The following BCKDHB variants were observed in gnomAD, a reference collection of about 807,000 sequenced individuals.
The protein encoded by BCKDHB is branched chain keto acid dehydrogenase E1 subunit beta.
Under a neutral mutation model 48.5 loss-of-function variants are expected in BCKDHB, and 41 were observed. The observed-to-expected ratio is 0.85, with a 90% CI of 0.66 to 1.10. The LOEUF (loss-of-function observed/expected upper bound fraction) is 1.10, where lower values mean the gene tolerates loss of function less well. BCKDHB is among the 50% of genes least tolerant of loss of function. The pLI is 0.00. For missense variants in BCKDHB, 496 were observed against 494.2 expected (o/e 1.00, Z -0.03); for synonymous variants, 201 against 174.8 (o/e 1.15, Z -1.18).
At chr6:80,259,652 A>G (rs1777206738) in intron 8 of BCKDHB, among the ~76,000 whole-genome samples, 1 of 152,236 alleles carries the variant, frequency 6.6e-6, no homozygotes, top group East Asian at 1.9e-4. Context: ...AGCCAAAAGA[A>G]TAATGATACC....
intron 3 of BCKDHB, among the ~76,000 whole-genome samples, chr6:80,139,143 T>C (rs13192024): frequency 1.1e-4 from 16 of 152,194 alleles, no homozygotes; most frequent in Non-Finnish European, 2.2e-4. Flanking sequence ...CACTTTTTGA[T>C]GGGGTTGTTT....
At chr6:80,265,382 A>T (rs1777470875) in intron 8 of BCKDHB, among the ~76,000 whole-genome samples, 2 of 152,104 alleles carry the variant, frequency 1.3e-5, no homozygotes. Flanking sequence ...AAAGGAGGGA[A>T]ATTTTGACAC....
chr6:80,339,677 A>C lies in BCKDHB; in HGVS notation c.1039-3987A>C, dbSNP rs77171662. On this transcript the variant is annotated intron_variant, in intron 9 of 9. Transcript: ENST00000320393. Reference sequence around the variant, plus strand: ...GCTCTGTGTATTACCTTCATGATCAAGTTTGTGTTTTCAGCTCCTTCACAT... The same window carrying C: ...GCTCTGTGTATTACCTTCATGATCACGTTTGTGTTTTCAGCTCCTTCACAT... 8.2e-3 allele frequency among the ~76,000 whole-genome samples: 1,245 copies of C among 152,264 alleles called. 21 individuals carry two copies. Among genetic ancestry groups the C allele is most frequent in the African/African-American group, 0.028 (1,175 of 41,546 alleles).
intron 3 of BCKDHB, among the ~76,000 whole-genome samples, chr6:80,158,997 T>A (rs1303114271): frequency 3.9e-5 from 6 of 152,204 alleles, no homozygotes; most frequent in African/African-American, 9.6e-5. Context: ...ACGATGCTAA[T>A]ATGTGGTGGA....
chr6:80,355,842 G>C, the BCKDHB span: 2 of 152,192 alleles, frequency 1.3e-5, no homozygotes, highest in Non-Finnish European at 2.9e-5. Flanking sequence ...AGGCACCTAA[G>C]GGCTGCTACT....
intron 8 of BCKDHB, among the ~76,000 whole-genome samples, chr6:80,209,686 C>G (rs948959103): frequency 5.3e-5 from 8 of 151,804 alleles, no homozygotes; most frequent in African/African-American, 1.9e-4. Context: ...AGTTGCAGAT[C>G]TAATTGTGAA....
the BCKDHB span, among the ~76,000 whole-genome samples, chr6:80,446,948 A>G: frequency 2.0e-5 from 3 of 152,026 alleles, no homozygotes; most frequent in South Asian, 2.1e-4. Context: ...GACCTTAGAC[A>G]TTAGGCTAAT....
At chr6:80,333,863 C>A (rs1303810681) in intron 9 of BCKDHB, among the ~76,000 whole-genome samples, 5 of 151,964 alleles carry the variant, frequency 3.3e-5, no homozygotes, top group Non-Finnish European at 7.4e-5. Flanking sequence ...ATGAAAGTAT[C>A]CAGAACCAGA....
chr6:80,175,949 C>A (rs892372621), intron 6 of BCKDHB, among the ~76,000 whole-genome samples: 3 of 152,098 alleles, frequency 2.0e-5, no homozygotes, highest in Non-Finnish European at 4.4e-5. Flanking sequence ...TAGGGGGGAA[C>A]AAGAACAAAA....
chr6:80,373,471 C>T, the BCKDHB span, among the ~76,000 whole-genome samples: 11,440 of 152,006 alleles, frequency 0.075, 483 homozygotes, highest in South Asian at 0.15. Flanking sequence ...CTTCTAGGCT[C>T]TTTGTTATTT....
intron 3 of BCKDHB, among the ~76,000 whole-genome samples, chr6:80,162,930 CTT>C (rs570707378): frequency 0.013 from 1,868 of 147,854 alleles, 33 homozygotes; most frequent in African/African-American, 0.044. Context: ...CTCTCTCTCT[CTT>C]TTTTTTTTAA....
the BCKDHB span, among the ~76,000 whole-genome samples, chr6:80,376,483 TC>T: frequency 6.6e-6 from 1 of 152,186 alleles, no homozygotes; most frequent in South Asian, 2.1e-4. Flanking sequence ...TCCTCAGCTG[TC>T]CCATGGAACC....
intron 8 of BCKDHB, among the ~76,000 whole-genome samples, chr6:80,210,354 ATTTAT>A (rs1774865964): frequency 6.6e-6 from 1 of 152,120 alleles, no homozygotes; most frequent in Non-Finnish European, 1.5e-5. Flanking sequence ...ATACTGAATG[ATTTAT>A]TTTATATAGA....
chr6:80,358,449 T>C, the BCKDHB span, among the ~76,000 whole-genome samples: 1 of 152,224 alleles, frequency 6.6e-6, no homozygotes, highest in East Asian at 1.9e-4. Context: ...TTTTGCCTTA[T>C]GTATGGTGAT....
chr6:80,416,306 C>A, the BCKDHB span, among the ~76,000 whole-genome samples: 1 of 142,864 alleles, frequency 7.0e-6, no homozygotes, highest in South Asian at 2.2e-4. Flanking sequence ...TTGGTTATTT[C>A]TTGTCTCCTG....
In BCKDHB at chr6:80,343,870, C is replaced by G; in HGVS notation, c.*66C>G. The G allele has an allele frequency of 6.4e-7, 1 of 1,556,118 alleles. No individual in the cohort carries two copies. Among genetic ancestry groups the G allele is most frequent in the South Asian group, 1.1e-5 (1 of 89,698 alleles). On this transcript the variant is annotated 3_prime_UTR_variant, in exon 10 of 10. Transcript: ENST00000320393. ...CCCCTGACATTAACGTACTGTTAAC[C>G]AAGACACAGCAATCATCAGTGTTTT...
intron 8 of BCKDHB, among the ~76,000 whole-genome samples, chr6:80,227,552 C>G (rs555018556): frequency 6.6e-6 from 1 of 152,246 alleles, no homozygotes; most frequent in Non-Finnish European, 1.5e-5. Flanking sequence ...AGTTTTGTGT[C>G]CCAGAAGTAT....
At chr6:80,367,215 G>A in the BCKDHB span, among the ~76,000 whole-genome samples, 5 of 151,736 alleles carry the variant, frequency 3.3e-5, no homozygotes, top group South Asian at 2.1e-4. Flanking sequence ...ACTTTCTCTC[G>A]ATTTGTCATG....
intron 9 of BCKDHB, among the ~76,000 whole-genome samples, chr6:80,321,078 GTTAT>G (rs1768690516): frequency 1.3e-5 from 2 of 152,132 alleles, no homozygotes; most frequent in Non-Finnish European, 2.9e-5. Flanking sequence ...TGAAAGTGGT[GTTAT>G]TTTTTAACAG....
Sources: allele counts gnomAD v4.1 joint callset (sites outside exome capture counted in the v4.1 genomes callset), GRCh38; gene constraint gnomAD v4.1.1; transcripts MANE v1.5; gene names NCBI Gene and HGNC (gene_info 2026-07-23, HGNC 2026-07-21).